Variants in SEH1L observed in about 807,000 individuals in gnomAD.
SEH1L encodes nucleoporin SEH1.
A neutral mutation model predicts 49.5 loss-of-function variants in SEH1L; 18 were observed. That is an observed-to-expected ratio of 0.36 (90% confidence interval 0.25 to 0.54). The LOEUF (loss-of-function observed/expected upper bound fraction) is 0.54. Among genes scored for constraint, SEH1L ranks in the 20% least tolerant of loss-of-function variants. The pLI, the probability that SEH1L is intolerant of heterozygous loss-of-function variation, is 0.87. For missense variants in SEH1L, 404 were observed against 528.8 expected (o/e 0.76, Z 2.31); for synonymous variants, 169 against 178.1 (o/e 0.95, Z 0.41).
Position 12,963,255 on chromosome 18 carries a change from A to G in SEH1L, c.405A>G (p.Ala135=), listed in dbSNP as rs2031280566. ...HMGLMLATCS[A]DGIVRIYEAP... is the part of the protein sequence containing the mutation. Reference sequence around the variant, plus strand: ...GTCTTATGTTAGCAACCTGTTCCGCAGATGGTATAGTAAGAATCTATGAGG... The same window carrying G: ...GTCTTATGTTAGCAACCTGTTCCGCGGATGGTATAGTAAGAATCTATGAGG... Residue 135 remains alanine (A), a synonymous_variant, in exon 4 of 9, where the codon GCA becomes GCG. Transcript: ENST00000399892. 1 of 1,614,158 alleles carries G rather than the reference A, an allele frequency of 6.2e-7. No individual in the cohort carries two copies. Among genetic ancestry groups the G allele is most frequent in the East Asian group, 2.2e-5 (1 of 44,876 alleles).
intron 6 of SEH1L, among the ~76,000 whole-genome samples, chr18:12,982,173 G>A (rs546212709): frequency 6.6e-6 from 1 of 152,224 alleles, no homozygotes; most frequent in Admixed American, 6.5e-5. Flanking sequence ...GCCTTGCCCT[G>A]CCTTTTTAAA....
intron 4 of SEH1L, among the ~76,000 whole-genome samples, chr18:12,969,544 T>G (rs1344968620): frequency 1.3e-5 from 2 of 151,786 alleles, no homozygotes; most frequent in East Asian, 1.9e-4. Flanking sequence ...AAAAATTAGC[T>G]GGGCGTGGTG....
At chr18:12,969,605 T>C (rs1389863709) in intron 4 of SEH1L, among the ~76,000 whole-genome samples, 3 of 151,960 alleles carry the variant, frequency 2.0e-5, no homozygotes, top group Non-Finnish European at 2.9e-5. Flanking sequence ...CGAGAATCGC[T>C]TGAATCCAGG....
At chr18:12,954,405 G>A (rs1436195932) in intron 2 of SEH1L, among the ~76,000 whole-genome samples, 2 of 152,286 alleles carry the variant, frequency 1.3e-5, no homozygotes, top group Middle Eastern at 3.4e-3. Context: ...AGACTGTATT[G>A]TCAGTTAAAA....
intron 3 of SEH1L, among the ~76,000 whole-genome samples, chr18:12,960,486 C>T (rs2031119320): frequency 6.6e-6 from 1 of 152,150 alleles, no homozygotes; most frequent in African/African-American, 2.4e-5. Flanking sequence ...TGTATGTCTC[C>T]TTGTCCTAAT....
At chr18:12,948,540 C>G (rs908521421) in intron 1 of SEH1L, 14 of 236,596 alleles carry the variant, frequency 5.9e-5, no homozygotes, top group African/African-American at 3.2e-4. Context: ...CAGGGGCATC[C>G]CACCGTCAGC....
intron 7 of SEH1L, among the ~76,000 whole-genome samples, chr18:12,983,440 C>A (rs1372252753): frequency 6.6e-6 from 1 of 152,212 alleles, no homozygotes; most frequent in Non-Finnish European, 1.5e-5. Context: ...AGGGGCTTTG[C>A]TGTCCTTTTC....
rs1325464727 is a variant in SEH1L at position 12,948,031 on chromosome 18, G to GGGCTGCGAGGTCTGGCTA, written c.-86_-69dup. 3.3e-6 allele frequency: 3 copies of GGGCTGCGAGGTCTGGCTA among 901,274 alleles called. No individual in the cohort carries two copies. Among genetic ancestry groups the GGGCTGCGAGGTCTGGCTA allele is most frequent in the African/African-American group, 3.4e-5 (2 of 58,722 alleles). 55.8% of individuals were successfully genotyped at this position (901,274 alleles called of 1,614,324 possible). ...TGGGCAGCACAAGCCGTGCGCTCCC[G>GGGCTGCGAGGTCTGGCTA]GGCTGCGAGGTCTGGCTAGGCTACG... On this transcript the variant is annotated 5_prime_UTR_variant, in exon 1 of 9. Transcript: ENST00000399892.
intron 6 of SEH1L, among the ~76,000 whole-genome samples, chr18:12,980,835 T>C (rs535478876): frequency 6.7e-4 from 63 of 93,922 alleles, no homozygotes; most frequent in Admixed American, 1.6e-3. Context: ...ACCCCCCCAC[T>C]TCCCTTCCGG....
chr18:12,956,932 T>C (rs1240995373), intron 3 of SEH1L, among the ~76,000 whole-genome samples: 10 of 152,042 alleles, frequency 6.6e-5, no homozygotes, highest in Admixed American at 6.6e-4. Flanking sequence ...CCCGGCATGG[T>C]GGTGGGTGCC....
chr18:12,984,257 G>T, intron 8 of SEH1L, 67 bp downstream of exon 8: 2 of 1,488,104 alleles, frequency 1.3e-6, no homozygotes, highest in Non-Finnish European at 1.9e-6. Context: ...CCATACTTAA[G>T]GTGGATTATT....
chr18:12,948,261 AC>A, intron 1 of SEH1L, 29 bp downstream of exon 1: 1 of 1,528,592 alleles, frequency 6.5e-7, no homozygotes, highest in African/African-American at 1.4e-5. Context: ...GGCGGGGCCG[AC>A]CCCGGAAGGA....
chr18:12,985,561 G>A (rs1212245738), intron 8 of SEH1L: 14 of 1,124,908 alleles, frequency 1.2e-5, no homozygotes, highest in Non-Finnish European at 1.5e-5. Context: ...AGATTAAAAG[G>A]GTTGTTACCA....
chr18:12,965,260 C>T (rs1311136749), intron 4 of SEH1L, among the ~76,000 whole-genome samples: 1 of 152,076 alleles, frequency 6.6e-6, no homozygotes, highest in Admixed American at 6.6e-5. Context: ...GATCCGCCCA[C>T]CTCGGCCTCC....
chr18:12,980,924 AC>A (rs1311361836), intron 6 of SEH1L, among the ~76,000 whole-genome samples: 2 of 107,688 alleles, frequency 1.9e-5, no homozygotes, highest in Non-Finnish European at 3.9e-5. Flanking sequence ...CGGGGGGCTG[AC>A]CCCCACCTCC....
chr18:12,985,598 G>C (rs1352166714), intron 8 of SEH1L: 1 of 1,054,662 alleles, frequency 9.5e-7, no homozygotes, highest in Non-Finnish European at 1.1e-6. Flanking sequence ...TGGGAGGAGG[G>C]GAATACCACT....
Position 12,951,236 on chromosome 18 carries a change from T to C in SEH1L, c.112-619T>C, listed in dbSNP as rs193082856. On this transcript the variant is annotated intron_variant, in intron 1 of 8. Coordinates refer to ENST00000399892, the MANE Select transcript of SEH1L (RefSeq NM_001013437.2). ...GTAAGCAGGTGTTTTTCATGATTTA[T>C]TTAGTGCAATGATTATTTGTTCTTT... Among the ~76,000 whole-genome samples, 348 of 152,324 alleles carry C rather than the reference T, an allele frequency of 2.3e-3. 1 individual carries two copies. The highest frequency in any genetic ancestry group is 8.1e-3 in the African/African-American group (336 of 41,564).
chr18:12,956,582 A>G (rs928951276), intron 3 of SEH1L, among the ~76,000 whole-genome samples: 2 of 148,110 alleles, frequency 1.4e-5, no homozygotes, highest in African/African-American at 5.0e-5. Flanking sequence ...TCTATGAGAG[A>G]AGAAAACTGA....
At chr18:12,972,706 C>G (rs1426154468) in intron 5 of SEH1L, 1 of 152,218 alleles carries the variant, frequency 6.6e-6, no homozygotes, top group Non-Finnish European at 1.5e-5. Context: ...CAGAGAGGCT[C>G]AGTCTTCAAC....
Sources: gnomAD v4.1 joint callset for allele counts (sites outside exome capture counted in the v4.1 genomes callset) on GRCh38, gnomAD v4.1.1 for gene constraint, MANE v1.5 for transcripts, NCBI Gene and HGNC (gene_info 2026-07-23, HGNC 2026-07-21) for gene names.